Variants in SLC28A3 observed in about 807,000 individuals in gnomAD.
SLC28A3 encodes the protein solute carrier family 28 member 3, also known as concentrative Na(+)-nucleoside cotransporter 3.
In SLC28A3, 68 loss-of-function variants were observed where a neutral mutation model predicts 84.2. The ratio of observed to expected loss-of-function variants is 0.81; its 90% CI spans 0.66 to 0.99. SLC28A3 has a LOEUF of 0.99. Among genes scored for constraint, SLC28A3 ranks in the 50% least tolerant of loss-of-function variants. The pLI, the probability that SLC28A3 is intolerant of heterozygous loss-of-function variation, is 0.00. For missense variants in SLC28A3, 712 were observed against 841.5 expected, an observed-to-expected ratio of 0.85 and a Z score of 1.90; for synonymous variants, 267 against 303.6, an observed-to-expected ratio of 0.88 and a Z score of 1.25.
chr9:84,320,045 T>TTG lies in SLC28A3; in HGVS notation c.61-6592_61-6591insCA, dbSNP rs1269923838. ...ATTCCAGCCTGGCTTGCACTGTTTTTTTTTTTTTTTTTTTTTTTTTTTGAG... is the reference window on the plus strand; with the variant it reads ...ATTCCAGCCTGGCTTGCACTGTTTTTTGTTTTTTTTTTTTTTTTTTTTTTGAG... On this transcript the variant is annotated intron_variant, in intron 1 of 17. Coordinates refer to ENST00000376238, the MANE Select transcript of SLC28A3 (RefSeq NM_001199633.2). Among the ~76,000 whole-genome samples, 3 of 114,874 alleles carry TTG rather than the reference T, an allele frequency of 2.6e-5. 1 individual carries two copies. The highest frequency in any genetic ancestry group is 9.6e-5 in the African/African-American group (2 of 20,880). The allele number at this position is 114,874 out of a possible 152,430, so 75.4% of individuals were successfully genotyped here.
the SLC28A3 span, among the ~76,000 whole-genome samples, chr9:84,365,523 CTT>C: frequency 6.6e-6 from 1 of 152,060 alleles, no homozygotes; most frequent in East Asian, 1.9e-4. Flanking sequence ...CATTTGTTCA[CTT>C]TTGCTTTGGT....
chr9:84,340,312 C>A (rs561968061), intron 1 of SLC28A3, among the ~76,000 whole-genome samples: 1 of 151,928 alleles, frequency 6.6e-6, no homozygotes, highest in Non-Finnish European at 1.5e-5. Context: ...CTGCTGTGAG[C>A]CAGAAGGGAA....
At chr9:84,343,655 TAA>T (rs1466284231), upstream of SLC28A3, among the ~76,000 whole-genome samples, 1 of 152,338 alleles carries the variant, frequency 6.6e-6, no homozygotes, top group Non-Finnish European at 1.5e-5. Flanking sequence ...CCTGACACAT[TAA>T]AGTTATATGA....
At chr9:84,344,241 G>A (rs1447361572), upstream of SLC28A3, among the ~76,000 whole-genome samples, 2 of 145,904 alleles carry the variant, frequency 1.4e-5, no homozygotes, top group Non-Finnish European at 3.0e-5. Context: ...CCAGGCTGGA[G>A]TGCAGTGGCA....
chr9:84,360,835 G>A, the SLC28A3 span, among the ~76,000 whole-genome samples: 1 of 152,064 alleles, frequency 6.6e-6, no homozygotes, highest in Non-Finnish European at 1.5e-5. Context: ...AGGATCGCTT[G>A]AGCCTAGGAG....
At chr9:84,311,689 A>G (rs1282347895) in intron 2 of SLC28A3, among the ~76,000 whole-genome samples, 1 of 112,028 alleles carries the variant, frequency 8.9e-6, no homozygotes. Context: ...GTCTCTACTA[A>G]AAATACAAAA....
In SLC28A3 at chr9:84,324,731, C is replaced by A. The variant is rs147042616; in HGVS notation, c.61-11277G>T. Among the ~76,000 whole-genome samples the A allele has an allele frequency of 2.5e-3, 384 of 152,206 alleles. 3 individuals are homozygous for A. The highest frequency in any genetic ancestry group is 9.1e-3 in the African/African-American group (377 of 41,540). ...CAGGGAAACTGACAGGGGAATAGCA[C>A]CCGTCAGTGAATGACCGTACATCTT... On this transcript the variant is annotated intron_variant, in intron 1 of 17. Transcript: ENST00000376238.
At chr9:84,301,210 G>A (rs1210414521) in intron 5 of SLC28A3, among the ~76,000 whole-genome samples, 4 of 151,644 alleles carry the variant, frequency 2.6e-5, no homozygotes, top group Non-Finnish European at 5.9e-5. Context: ...AAAATTAGCT[G>A]GGTATGGCGG....
intron 3 of SLC28A3, among the ~76,000 whole-genome samples, 175 bp downstream of exon 3, chr9:84,309,454 C>A (rs113918071): frequency 7.8e-6 from 1 of 128,020 alleles, no homozygotes; most frequent in Non-Finnish European, 1.6e-5. Context: ...ACTTGGGAGG[C>A]GGAGGTTGCA....
chr9:84,319,634 T>C lies in SLC28A3; in HGVS notation c.61-6180A>G, dbSNP rs111546688. Among the ~76,000 whole-genome samples, 10 of 152,352 alleles carry C rather than the reference T, an allele frequency of 6.6e-5. 1 individual carries two copies. The highest frequency in any genetic ancestry group is 2.4e-4 in the African/African-American group (10 of 41,578). ...TTATTGTTGCTTTTGATACTTGTGT[T>C]GATCATTTGTGTTTATTAATGTGTG... On this transcript the variant is annotated intron_variant, in intron 1 of 17. Transcript: ENST00000376238.
chr9:84,332,691 TA>T (rs1588624128), intron 1 of SLC28A3, among the ~76,000 whole-genome samples: 1 of 152,030 alleles, frequency 6.6e-6, no homozygotes, highest in East Asian at 1.9e-4. Context: ...ATTTCTTTAA[TA>T]AAAACAATTT....
At position 84,305,253 on chromosome 9, in the gene SLC28A3, C is replaced by G; in HGVS notation, c.334+1G>C. The G allele has an allele frequency of 6.2e-7, 1 of 1,606,412 alleles. No individual in the cohort carries two copies. Among genetic ancestry groups the G allele is most frequent in the Non-Finnish European group, 8.5e-7 (1 of 1,176,968 alleles). On this transcript the variant is annotated splice_donor_variant, in intron 4 of 17. Coordinates refer to ENST00000376238, the MANE Select transcript of SLC28A3 (RefSeq NM_001199633.2). LOFTEE classifies it high-confidence loss of function. The stretch of plus-strand genomic sequence containing the variant: ...TATCCCTAACCATCTTTGTTATTTA[C>G]CTGCTAATAAAATGCCCCAGATGAT...
chr9:84,283,585 A>G (rs1475774771), intron 14 of SLC28A3, among the ~76,000 whole-genome samples: 3 of 152,160 alleles, frequency 2.0e-5, no homozygotes, highest in Non-Finnish European at 4.4e-5. Context: ...CTTTTTTTGG[A>G]CCTTTTGAAT....
intron 3 of SLC28A3, among the ~76,000 whole-genome samples, chr9:84,305,893 A>G (rs115297286): frequency 0.014 from 2,167 of 152,290 alleles, 48 homozygotes; most frequent in African/African-American, 0.05. Flanking sequence ...TGTTAGGGCT[A>G]TTAACCAATG....
At chr9:84,297,782 G>T in intron 7 of SLC28A3, 124 bp downstream of exon 7, 1 of 776,926 alleles carries the variant, frequency 1.3e-6, no homozygotes, top group Non-Finnish European at 2.1e-6. Flanking sequence ...TCTAACCCAT[G>T]ATGCAGAATT....
chr9:84,350,982 C>T, the SLC28A3 span, among the ~76,000 whole-genome samples: 1 of 152,172 alleles, frequency 6.6e-6, no homozygotes, highest in Non-Finnish European at 1.5e-5. Context: ...GCTGGGATTA[C>T]AGGCATGAGC....
At chr9:84,285,761 G>T (rs1588562540) in intron 13 of SLC28A3, among the ~76,000 whole-genome samples, 182 bp downstream of exon 13, 1 of 152,298 alleles carries the variant, frequency 6.6e-6, no homozygotes, top group South Asian at 2.1e-4. Flanking sequence ...GACTGTCGTT[G>T]TGGGGAAGGA....
chr9:84,302,960 G>T (rs1393514855), intron 4 of SLC28A3, among the ~76,000 whole-genome samples: 1 of 152,180 alleles, frequency 6.6e-6, no homozygotes, highest in African/African-American at 2.4e-5. Flanking sequence ...TATTCTTAAA[G>T]GTCTGCAAAG....
At position 84,276,770 on chromosome 9, in the gene SLC28A3, C is replaced by T. The variant is rs1474077414; in HGVS notation, c.*1448G>A. 2 of 152,178 alleles carry T rather than the reference C, an allele frequency of 1.3e-5. No individual in the cohort carries two copies. The highest frequency in any genetic ancestry group is 4.8e-5 in the African/African-American group (2 of 41,438). 9.4% of individuals were successfully genotyped at this position (152,178 alleles called of 1,614,324 possible). A position where few individuals can be genotyped will look rare whatever the true frequency, so the allele number is the denominator to read the frequency against. On this transcript the variant is annotated 3_prime_UTR_variant, in exon 18 of 18. Coordinates refer to ENST00000376238, the MANE Select transcript of SLC28A3 (RefSeq NM_001199633.2). ...ACAAAAAACAAAACACACAAAAAAC[C>T]CCAACTATTTTCACATAGCTTTTTC...
Sources: allele counts gnomAD v4.1 joint callset (sites outside exome capture counted in the v4.1 genomes callset), GRCh38; gene constraint gnomAD v4.1.1; transcripts MANE v1.5; gene names NCBI Gene and HGNC (gene_info 2026-07-23, HGNC 2026-07-21).